The following CACNA2D1 variants were observed in gnomAD, a reference collection of about 807,000 sequenced individuals.
The protein encoded by CACNA2D1 is voltage-dependent calcium channel subunit alpha-2/delta-1.
Under a neutral mutation model 171.5 loss-of-function variants are expected in CACNA2D1, and 53 were observed. The ratio of observed to expected loss-of-function variants is 0.31; its 90% CI spans 0.25 to 0.39. The LOEUF is 0.39. Among genes scored for constraint, CACNA2D1 ranks in the 10% least tolerant of loss-of-function variants. The pLI is 1.00. For synonymous variants in CACNA2D1, 442 were observed against 443.1 expected (o/e 1.00, Z 0.03); for missense variants, 903 against 1,299.8 (o/e 0.69, Z 4.69).
rs73386004 is a variant in CACNA2D1 at position 82,401,729 on chromosome 7, G to A, written c.95+41636C>T. Among the ~76,000 whole-genome samples the A allele has an allele frequency of 5.2e-3, 786 of 152,018 alleles. 7 individuals are homozygous for A. The highest frequency in any genetic ancestry group is 0.018 in the African/African-American group (751 of 41,476). Reference sequence around the variant, plus strand: ...AATAATAAAAGAAAAAAAAAGAAATGAAAAGATAAATAAGACATTCATTTA... The same window carrying A: ...AATAATAAAAGAAAAAAAAAGAAATAAAAAGATAAATAAGACATTCATTTA... On this transcript the variant is annotated intron_variant, in intron 1 of 38. Coordinates refer to ENST00000356860, the MANE Select transcript of CACNA2D1 (RefSeq NM_000722.4).
At chr7:82,075,833 T>A (rs1808895410) in intron 7 of CACNA2D1, among the ~76,000 whole-genome samples, 1 of 152,124 alleles carries the variant, frequency 6.6e-6, no homozygotes, top group African/African-American at 2.4e-5. Flanking sequence ...GTTCTATGCA[T>A]CTAAAAATGA....
chr7:82,069,561 G>A (rs146568507), intron 7 of CACNA2D1, among the ~76,000 whole-genome samples: 2 of 152,088 alleles, frequency 1.3e-5, no homozygotes, highest in Admixed American at 6.6e-5. Context: ...GATGTGTTAC[G>A]GGTGTTATCA....
At chr7:82,130,046 T>A (rs1790767929) in intron 5 of CACNA2D1, among the ~76,000 whole-genome samples, 1 of 152,226 alleles carries the variant, frequency 6.6e-6, no homozygotes. Flanking sequence ...GAAGTAATTC[T>A]AGAATATAAC....
chr7:82,093,119 C>T (rs1811423541), intron 6 of CACNA2D1, among the ~76,000 whole-genome samples: 1 of 152,000 alleles, frequency 6.6e-6, no homozygotes, highest in Non-Finnish European at 1.5e-5. Flanking sequence ...CTATTCTCAC[C>T]CATTATCCAC....
At chr7:81,977,322 T>C (rs1584260213) in intron 24 of CACNA2D1, among the ~76,000 whole-genome samples, 1 of 152,268 alleles carries the variant, frequency 6.6e-6, no homozygotes, top group Non-Finnish European at 1.5e-5. Context: ...GTGGTTTTTG[T>C]CATTGGTTCT....
chr7:82,390,952 T>TCC (rs1293266948), intron 1 of CACNA2D1, among the ~76,000 whole-genome samples: 1 of 152,170 alleles, frequency 6.6e-6, no homozygotes, highest in African/African-American at 2.4e-5. Flanking sequence ...GACATTCACC[T>TCC]CCTTTTTTTC....
intron 10 of CACNA2D1, among the ~76,000 whole-genome samples, chr7:82,043,717 A>G (rs1345064630): frequency 2.0e-5 from 3 of 152,200 alleles, no homozygotes; most frequent in Non-Finnish European, 4.4e-5. Flanking sequence ...AAATCATTCC[A>G]TAAAATATTT....
At chr7:82,322,861 C>A (rs1039642398) in intron 3 of CACNA2D1, among the ~76,000 whole-genome samples, 7 of 152,124 alleles carry the variant, frequency 4.6e-5, no homozygotes, top group Non-Finnish European at 1.0e-4. Flanking sequence ...TCACAACGGG[C>A]TTCTACCTTC....
chr7:82,036,505 C>G (rs1050436581), intron 11 of CACNA2D1, among the ~76,000 whole-genome samples: 1 of 152,122 alleles, frequency 6.6e-6, no homozygotes, highest in Non-Finnish European at 1.5e-5. Context: ...CTCATTTTCA[C>G]GGAAATGCCA....
At chr7:82,413,219 T>G (rs2129455627) in intron 1 of CACNA2D1, among the ~76,000 whole-genome samples, 1 of 152,352 alleles carries the variant, frequency 6.6e-6, no homozygotes, top group East Asian at 1.9e-4. Flanking sequence ...GAGGAACAAT[T>G]TTTATATCTG....
chr7:82,131,993 T>C (rs982677084), intron 5 of CACNA2D1, among the ~76,000 whole-genome samples: 1 of 152,046 alleles, frequency 6.6e-6, no homozygotes, highest in Non-Finnish European at 1.5e-5. Context: ...AGTAACAATC[T>C]TTTTTTAAAA....
intron 3 of CACNA2D1, among the ~76,000 whole-genome samples, chr7:82,210,382 C>T (rs988781647): frequency 1.3e-5 from 2 of 152,268 alleles, no homozygotes; most frequent in African/African-American, 4.8e-5. Flanking sequence ...ACAATATTGA[C>T]TCTTCAGGTC....
intron 1 of CACNA2D1, among the ~76,000 whole-genome samples, chr7:82,431,315 A>G (rs755229843): frequency 1.2e-4 from 18 of 152,202 alleles, no homozygotes; most frequent in Non-Finnish European, 1.5e-5. Flanking sequence ...AAAGGCAGAA[A>G]AACCACATAA....
At chr7:82,302,357 T>C (rs1346478674) in intron 3 of CACNA2D1, among the ~76,000 whole-genome samples, 1 of 152,052 alleles carries the variant, frequency 6.6e-6, no homozygotes, top group African/African-American at 2.4e-5. Flanking sequence ...AATTTGATGA[T>C]GTGTAATAAA....
At chr7:82,313,173 C>T (rs897537848) in intron 3 of CACNA2D1, among the ~76,000 whole-genome samples, 1 of 152,104 alleles carries the variant, frequency 6.6e-6, no homozygotes, top group African/African-American at 2.4e-5. Context: ...GTCAATCTAT[C>T]TCACAATCTC....
At chr7:82,083,320 G>C (rs1810031463) in intron 7 of CACNA2D1, among the ~76,000 whole-genome samples, 1 of 151,616 alleles carries the variant, frequency 6.6e-6, no homozygotes. Context: ...AATTATATCA[G>C]GTCTTCTAAT....
chr7:82,155,034 TA>T (rs1476036156), intron 4 of CACNA2D1, among the ~76,000 whole-genome samples: 2 of 152,012 alleles, frequency 1.3e-5, no homozygotes, highest in African/African-American at 2.4e-5. Flanking sequence ...ACTGGTTGTG[TA>T]AAGTGTGTGG....
intron 3 of CACNA2D1, among the ~76,000 whole-genome samples, chr7:82,258,325 G>T (rs1167022962): frequency 1.3e-5 from 2 of 150,424 alleles, no homozygotes; most frequent in Admixed American, 1.3e-4. Context: ...AAAAAAAAGA[G>T]CTTTAGTGAC....
At chr7:82,117,953 C>G (rs1470899171) in intron 5 of CACNA2D1, among the ~76,000 whole-genome samples, 3 of 152,106 alleles carry the variant, frequency 2.0e-5, no homozygotes, top group African/African-American at 4.8e-5. Flanking sequence ...GTACACGTGA[C>G]AGAAATAATA....
Sources: allele counts gnomAD v4.1 joint callset (sites outside exome capture counted in the v4.1 genomes callset), GRCh38; gene constraint gnomAD v4.1.1; transcripts MANE v1.5; gene names NCBI Gene and HGNC (gene_info 2026-07-23, HGNC 2026-07-21).